Variants in DDX60 observed in about 807,000 individuals in gnomAD.
DDX60 encodes the protein probable ATP-dependent RNA helicase DDX60.
A neutral mutation model predicts 212.8 loss-of-function variants in DDX60; 165 were observed. That is an observed-to-expected ratio of 0.78 (90% CI 0.68 to 0.88). DDX60 has a LOEUF of 0.88. Ranked by LOEUF, DDX60 falls within the 40% of genes least tolerant of loss-of-function variation. DDX60 has a pLI of 0.00. For missense variants in DDX60, 1,905 were observed against 2,003.9 expected (o/e 0.95, Z 0.94); for synonymous variants, 703 against 685.3 (o/e 1.03, Z -0.40).
chr4:168,237,106 GCTGA>G lies in DDX60; in HGVS notation c.4411+176_4411+179del, dbSNP rs555927515. On this transcript the variant is annotated intron_variant, in intron 32 of 37. Coordinates refer to ENST00000393743, the MANE Select transcript of DDX60 (RefSeq NM_017631.6). ...TTGTAAATACATGTCATAAAACATG[GCTGA>G]CTATCATTTAATATATATTAGTAGG... is the stretch of plus-strand genomic sequence containing the variant. Among the ~76,000 whole-genome samples the G allele has an allele frequency of 2.0e-4, 31 of 151,732 alleles. No homozygotes were observed. In the Middle Eastern group the frequency reaches 0.01, roughly 50 times the overall value.
intron 16 of DDX60, 85 bp from the exon 17 acceptor site, chr4:168,274,168 G>A (rs907402772): frequency 1.9e-5 from 29 of 1,524,182 alleles, no homozygotes; most frequent in African/African-American, 8.2e-5. Context: ...CTTCCAATAC[G>A]ATTTTCTGAA....
chr4:168,293,808 A>C lies in DDX60; in HGVS notation c.861T>G (p.Gly287=), dbSNP rs765074836. The part of the protein sequence containing the change: ...RFLGNREPSS[G]QETEIQQVNS... Reference sequence around the variant, plus strand: ...ACACCTGTTGGATCTCAGTTTCCTGACCAGAGGAGGGCTCTCTGTTTCCTA... The same window carrying C: ...ACACCTGTTGGATCTCAGTTTCCTGCCCAGAGGAGGGCTCTCTGTTTCCTA... Residue 287 remains glycine, a synonymous_variant, in exon 7 of 38, where the codon GGT becomes GGG. Coordinates refer to ENST00000393743, the MANE Select transcript of DDX60 (RefSeq NM_017631.6). The C allele has an allele frequency of 5.0e-5, 81 of 1,612,366 alleles. No individual in the cohort carries two copies. Among genetic ancestry groups the C allele is most frequent in the Non-Finnish European group, 6.9e-5 (81 of 1,179,472 alleles).
Position 168,220,672 on chromosome 4 carries a change from G to T in DDX60, c.5022C>A (p.Leu1674=). The change falls in exon 37 of 38, where the codon CTC becomes CTA. Residue 1674 remains leucine, a synonymous_variant. Transcript: ENST00000393743. ...TAACACACCTGATAGATTTAATGGTGAGTGCAAAATCCTTCAACAAATAAT... is the reference window on the plus strand; with the variant it reads ...TAACACACCTGATAGATTTAATGGTTAGTGCAAAATCCTTCAACAAATAAT... ...DAYYLLKDFA[L]TIKSISVSLR... is the part of the protein sequence containing the mutation. 6.8e-7 allele frequency: 1 copy of T among 1,476,982 alleles called. No individual in the cohort carries two copies. The highest frequency in any genetic ancestry group is 9.0e-7 in the Non-Finnish European group (1 of 1,107,650). The allele number at this position is 1,476,982 out of a possible 1,614,324, so 91.5% of individuals were successfully genotyped here.
At chr4:168,228,382 A>G (rs1003645366) in intron 33 of DDX60, among the ~76,000 whole-genome samples, 2 of 152,046 alleles carry the variant, frequency 1.3e-5, no homozygotes, top group East Asian at 3.9e-4. Context: ...TACATTTAAT[A>G]TAACTATTGA....
intron 33 of DDX60, among the ~76,000 whole-genome samples, chr4:168,226,866 T>C (rs1733273085): frequency 1.3e-5 from 2 of 152,056 alleles, no homozygotes; most frequent in African/African-American, 4.8e-5. Context: ...AGTAGAAGGA[T>C]GGTTATCAGA....
chr4:168,248,136 C>A (rs377420588), intron 29 of DDX60, 52 bp downstream of exon 29: 2 of 1,229,712 alleles, frequency 1.6e-6, no homozygotes, highest in African/African-American at 1.5e-5. Context: ...TTTTACTACG[C>A]TATGGCCATA....
chr4:168,229,248 A>G (rs1027786404), intron 33 of DDX60, among the ~76,000 whole-genome samples: 4 of 152,134 alleles, frequency 2.6e-5, no homozygotes, highest in African/African-American at 7.2e-5. Context: ...CAATGGGGAA[A>G]CTGAAGTTCC....
upstream of DDX60, among the ~76,000 whole-genome samples, chr4:168,319,330 A>G (rs956225970): frequency 6.6e-6 from 1 of 152,208 alleles, no homozygotes; most frequent in Non-Finnish European, 1.5e-5. Flanking sequence ...TAAAATCAAG[A>G]AGAGTTAGAA....
intron 24 of DDX60, 57 bp from the exon 25 acceptor site, chr4:168,261,046 T>C (rs954947970): frequency 2.0e-6 from 3 of 1,535,328 alleles, no homozygotes; most frequent in African/African-American, 1.4e-5. Context: ...AAGAAATTAC[T>C]ACTTTTTGCT....
At chr4:168,267,127 C>T (rs1734881024) in intron 22 of DDX60, among the ~76,000 whole-genome samples, 2 of 152,118 alleles carry the variant, frequency 1.3e-5, no homozygotes, top group South Asian at 4.1e-4. Context: ...AGACCTCCAC[C>T]TTACTGGCTC....
At chr4:168,252,459 T>C in intron 27 of DDX60, 50 bp downstream of exon 27, 2 of 1,608,008 alleles carry the variant, frequency 1.2e-6, no homozygotes, top group Non-Finnish European at 8.5e-7. Context: ...TAACAAGCTA[T>C]GGCTGACAAA....
intron 6 of DDX60, among the ~76,000 whole-genome samples, chr4:168,294,481 CATTTATTT>C (rs4058259): frequency 8.2e-4 from 123 of 149,278 alleles, no homozygotes; most frequent in Admixed American, 1.7e-3. Flanking sequence ...GCAAACGATA[CATTTATTT>C]ATTTATTTAT....
At chr4:168,302,163 A>G (rs1736673966) in intron 6 of DDX60, 137 bp downstream of exon 6, 1 of 455,780 alleles carries the variant, frequency 2.2e-6, no homozygotes, top group African/African-American at 2.0e-5. Context: ...GTTTTCATAA[A>G]TGTTCCGTGG....
At chr4:168,260,708 G>A (rs941771600) in intron 25 of DDX60, among the ~76,000 whole-genome samples, 157 bp downstream of exon 25, 5 of 152,150 alleles carry the variant, frequency 3.3e-5, no homozygotes, top group African/African-American at 7.2e-5. Flanking sequence ...AGCAATGCTC[G>A]CTGGCCCACC....
chr4:168,253,591 G>A (rs1734299930), intron 26 of DDX60, among the ~76,000 whole-genome samples: 1 of 152,112 alleles, frequency 6.6e-6, no homozygotes, highest in Admixed American at 6.5e-5. Context: ...ACTCAAGGTG[G>A]GGCAATTCTC....
chr4:168,237,471 C>T (rs1733670545), intron 31 of DDX60, 44 bp from the exon 32 acceptor site: 4 of 1,499,272 alleles, frequency 2.7e-6, no homozygotes, highest in Non-Finnish European at 3.6e-6. Flanking sequence ...CAAGTCACCA[C>T]ATAATAAGTA....
At chr4:168,262,391 T>C (rs1471785154) in intron 23 of DDX60, among the ~76,000 whole-genome samples, 1 of 151,104 alleles carries the variant, frequency 6.6e-6, no homozygotes, top group East Asian at 1.9e-4. Context: ...TAAAAAGAAA[T>C]ATGAATCTAA....
rs947463443 is a variant in DDX60, at chr4:168,268,089, T to C, written c.2787-106A>G. 8.5e-6 allele frequency: 8 copies of C among 941,398 alleles called. No individual in the cohort carries two copies. The African/African-American group carries it at 1.3e-4, about 16-fold the overall frequency. 58.3% of individuals were successfully genotyped at this position (941,398 alleles called of 1,614,324 possible). On this transcript the variant is annotated intron_variant, in intron 20 of 37. Transcript: ENST00000393743. ...TTTCATCTTCCTTATAAAGTGTACT[T>C]AGGGGAATAGACTCAGAAGCCAGAC...
chr4:168,284,988 A>G, intron 11 of DDX60, 53 bp from the exon 12 acceptor site: 1 of 858,810 alleles, frequency 1.2e-6, no homozygotes, highest in Non-Finnish European at 1.8e-6. Context: ...AATATAACAC[A>G]GCACAGATTT....
Sources: gnomAD v4.1 joint callset for allele counts (sites outside exome capture counted in the v4.1 genomes callset) on GRCh38, gnomAD v4.1.1 for gene constraint, MANE v1.5 for transcripts, NCBI Gene and HGNC (gene_info 2026-07-23, HGNC 2026-07-21) for gene names.